SLC22A7: variants seen among roughly 807,000 people sequenced by gnomAD.
SLC22A7 encodes the protein hOAT2.
SLC22A7 carries 48 observed loss-of-function variants against 62.2 expected under a neutral mutation model. The ratio of observed to expected loss-of-function variants is 0.77; its 90% CI spans 0.61 to 0.98. SLC22A7 has a LOEUF of 0.98. Ranked by LOEUF, SLC22A7 falls within the 50% of genes least tolerant of loss-of-function variation. SLC22A7 has a pLI of 0.00. For synonymous variants in SLC22A7, 276 were observed against 314.8 expected, an observed-to-expected ratio of 0.88 and a Z score of 1.30; for missense variants, 581 against 703.8, an observed-to-expected ratio of 0.83 and a Z score of 1.97.
At chr6:43,301,513 G>A (rs765265293) in intron 6 of SLC22A7, 70 bp from the exon 7 acceptor site, 1 of 1,248,122 alleles carries the variant, frequency 8.0e-7, no homozygotes, top group Admixed American at 1.8e-5. Flanking sequence ...GGGGTGGGGG[G>A]AGAGTACTGT....
In SLC22A7 at chr6:43,302,753, AC is replaced by A; in HGVS notation, c.1376del (p.Thr459ArgfsTer10). The A allele has an allele frequency of 6.2e-7, 1 of 1,606,614 alleles. No homozygotes were observed. Among genetic ancestry groups the A allele is most frequent in the Non-Finnish European group, 8.5e-7 (1 of 1,175,370 alleles). ...AYLFTSELYP[T>X]VLRQTGMGLT... Reference sequence around the variant, plus strand: ...CCTGTTCACTTCAGAGTTGTACCCTACGGTGCTCAGGTGAGGAAGCCTGCAA... The same window carrying A: ...CCTGTTCACTTCAGAGTTGTACCCTAGGTGCTCAGGTGAGGAAGCCTGCAA... On this transcript the variant is annotated frameshift_variant, in exon 9 of 11. Coordinates refer to ENST00000372585, the MANE Select transcript of SLC22A7 (RefSeq NM_153320.2). LOFTEE classifies it high-confidence loss of function. This position sits in a 1 kb window ranked among gnomAD's most constrained non-coding sequence, Gnocchi z 5.0.
At position 43,302,522 on chromosome 6, in the gene SLC22A7, C is replaced by G; in HGVS notation, c.1276+108C>G. 8.3e-7 allele frequency: 1 copy of G among 1,208,220 alleles called. No homozygotes were observed. Among genetic ancestry groups the G allele is most frequent in the Non-Finnish European group, 1.2e-6 (1 of 861,702 alleles). The allele number at this position is 1,208,220 out of a possible 1,614,324, so 74.8% of individuals were successfully genotyped here. On this transcript the variant is annotated intron_variant, in intron 8 of 10. Coordinates refer to ENST00000372585, the MANE Select transcript of SLC22A7 (RefSeq NM_153320.2). The surrounding 1 kb of genome is among the most constrained non-coding windows in gnomAD (Gnocchi z 5.0). ...CCAAGAACCCACTCCTCCCCCAGAT[C>G]CCTGCTCTTACCCAGTGAGCTCAGA...
rs781696289 is a variant in SLC22A7, at chr6:43,299,488, C to T, written c.498C>T (p.Ser166=). ...GGGCTGTGGCCTTTGGATATCTGTC[C>T]GACAGGTGGGGTGAGGCACTGGGCC... ...LVGAVAFGYL[S]DRFGRRRLLL... The change falls in exon 3 of 11, where the codon TCC becomes TCT. Residue 166 remains serine (S), a synonymous_variant. Transcript: ENST00000372585. The surrounding 1 kb of genome is among the most constrained non-coding windows in gnomAD (Gnocchi z 4.4). The T allele has an allele frequency of 9.3e-6, 15 of 1,611,278 alleles. No homozygotes were observed. The highest frequency in any genetic ancestry group is 3.3e-5 in the South Asian group (3 of 90,732).
Position 43,302,761 on chromosome 6 carries a change from C to T in SLC22A7, c.1383C>T (p.Leu461=). ...LFTSELYPTV[L]RQTGMGLTAL... ...CTTCAGAGTTGTACCCTACGGTGCT[C>T]AGGTGAGGAAGCCTGCAACTGATCT... The change falls in exon 9 of 11, where the codon CTC becomes CTT. Residue 461 remains leucine, a splice_region_variant and synonymous_variant. Transcript: ENST00000372585. This position sits in a 1 kb window ranked among gnomAD's most constrained non-coding sequence, Gnocchi z 5.0. 6.2e-7 allele frequency: 1 copy of T among 1,601,842 alleles called. No individual in the cohort carries two copies.
At position 43,301,616 on chromosome 6, in the gene SLC22A7, G is replaced by A; in HGVS notation, c.985G>A (p.Val329Ile). 3 of 1,614,110 alleles carry A rather than the reference G, an allele frequency of 1.9e-6. No homozygotes were observed. Among genetic ancestry groups the A allele is most frequent in the Non-Finnish European group, 2.5e-6 (3 of 1,179,996 alleles). ...VSKVAAGERV[V>I]RRPSYLDLFR... ...CAAAGTGGCCGCCGGGGAACGGGTGGTCCGAAGACCTTCATACCTAGACCT... is the reference window on the plus strand; with the variant it reads ...CAAAGTGGCCGCCGGGGAACGGGTGATCCGAAGACCTTCATACCTAGACCT... The change falls in exon 7 of 11, where the codon GTC (valine) becomes ATC (isoleucine). Residue 329 changes from valine to isoleucine, a missense_variant. Transcript: ENST00000372585.
upstream of SLC22A7, among the ~76,000 whole-genome samples, chr6:43,297,121 T>C (rs2150726612): frequency 6.6e-6 from 1 of 152,226 alleles, no homozygotes; most frequent in East Asian, 1.9e-4. Context: ...AGCACCCCCA[T>C]TAACACACGC....
chr6:43,304,504 G>A, intron 10 of SLC22A7, 167 bp from the exon 11 acceptor site: 1 of 620,564 alleles, frequency 1.6e-6, no homozygotes, highest in South Asian at 2.1e-5. Context: ...GCACACTCAA[G>A]TATGCCTACA....
At chr6:43,297,776 C>T (rs544980856), upstream of SLC22A7, among the ~76,000 whole-genome samples, 2 of 152,290 alleles carry the variant, frequency 1.3e-5, no homozygotes, top group South Asian at 2.1e-4. Flanking sequence ...TGTCTTAGGC[C>T]AGGGCATCAG....
chr6:43,303,706 G>C (rs915803123), intron 9 of SLC22A7, among the ~76,000 whole-genome samples: 1 of 152,080 alleles, frequency 6.6e-6, no homozygotes, highest in Non-Finnish European at 1.5e-5. Context: ...TTGCCTCCTC[G>C]AACAACATGG....
upstream of SLC22A7, among the ~76,000 whole-genome samples, chr6:43,297,499 T>C (rs1778587230): frequency 6.6e-6 from 1 of 152,174 alleles, no homozygotes; most frequent in Non-Finnish European, 1.5e-5. Context: ...TCTTAGGTAT[T>C]GCATGTACCT....
At position 43,298,312 on chromosome 6, in the gene SLC22A7, G is replaced by A; in HGVS notation, c.-47G>A. 2 of 1,531,562 alleles carry A rather than the reference G, an allele frequency of 1.3e-6. No homozygotes were observed. Among genetic ancestry groups the A allele is most frequent in the Admixed American group, 1.8e-5 (1 of 56,432 alleles). The allele number at this position is 1,531,562 out of a possible 1,614,324, so 94.9% of individuals were successfully genotyped here. On this transcript the variant is annotated 5_prime_UTR_variant, in exon 1 of 11. Transcript: ENST00000372585. ...ATGTGGTGGGCAGTTTGAGCTGGCT[G>A]GATACTAGAGGGAGGCTGCACCTGA...
At position 43,299,626 on chromosome 6, in the gene SLC22A7, G is replaced by C. The variant is rs1778663864; in HGVS notation, c.504-1G>C. 1 of 1,614,058 alleles carries C rather than the reference G, an allele frequency of 6.2e-7. No homozygotes were observed. Among genetic ancestry groups the C allele is most frequent in the South Asian group, 1.1e-5 (1 of 91,082 alleles). On this transcript the variant is annotated splice_acceptor_variant, in intron 3 of 10. Coordinates refer to ENST00000372585, the MANE Select transcript of SLC22A7 (RefSeq NM_153320.2). LOFTEE classifies it high-confidence loss of function. This position sits in a 1 kb window ranked among gnomAD's most constrained non-coding sequence, Gnocchi z 4.4. ...ACTGACCCTGCATGACCCCTTTGCA[G>C]GTTTGGGCGGCGGCGTCTGCTGCTG...
chr6:43,297,182 T>C (rs1778582376), upstream of SLC22A7, among the ~76,000 whole-genome samples: 2 of 152,142 alleles, frequency 1.3e-5, no homozygotes, highest in African/African-American at 2.4e-5. Flanking sequence ...GATCCCAGCC[T>C]GGAGCAGACT....
chr6:43,300,908 G>A (rs4149177), intron 5 of SLC22A7, among the ~76,000 whole-genome samples: 13,898 of 152,314 alleles, frequency 0.091, 745 homozygotes, highest in Middle Eastern at 0.15. Context: ...AAAGTGTTTG[G>A]ATTACAGGCA....
rs941783505 is a variant in SLC22A7 at position 43,305,498 on chromosome 6, C to G, written c.*773C>G. ...GGGAGCCAACATTTTATTGAAGAAG[C>G]CACAGAGGCTGAAATTCAATAAACA... On this transcript the variant is annotated 3_prime_UTR_variant, in exon 11 of 11. Coordinates refer to ENST00000372585, the MANE Select transcript of SLC22A7 (RefSeq NM_153320.2). The G allele has an allele frequency of 2.0e-5, 8 of 406,354 alleles. No homozygotes were observed. Among genetic ancestry groups the G allele is most frequent in the Admixed American group, 4.1e-5 (1 of 24,394 alleles). 25.2% of individuals were successfully genotyped at this position (406,354 alleles called of 1,614,324 possible). A position where few individuals can be genotyped will look rare whatever the true frequency, so the allele number is the denominator to read the frequency against.
In SLC22A7 at chr6:43,305,050, A is replaced by T; in HGVS notation, c.*325A>T. 1 of 241,416 alleles carries T rather than the reference A, an allele frequency of 4.1e-6. No individual in the cohort carries two copies. The highest frequency in any genetic ancestry group is 7.9e-6 in the Non-Finnish European group (1 of 126,798). 15.0% of individuals were successfully genotyped at this position (241,416 alleles called of 1,614,324 possible). A position where few individuals can be genotyped will look rare whatever the true frequency, so the allele number is the denominator to read the frequency against. ...GCCACTGAGTCTGCCCTGGGCTCTG[A>T]TAAAACCTTCACCATTAACTTGCTG... On this transcript the variant is annotated 3_prime_UTR_variant, in exon 11 of 11. Coordinates refer to ENST00000372585, the MANE Select transcript of SLC22A7 (RefSeq NM_153320.2).
chr6:43,303,007 C>T, intron 9 of SLC22A7: 1 of 599,404 alleles, frequency 1.7e-6, no homozygotes, highest in African/African-American at 2.0e-5. Flanking sequence ...GCATGAGCCA[C>T]CGCACCCAGC....
chr6:43,300,496 C>T (rs1441252484), intron 5 of SLC22A7, among the ~76,000 whole-genome samples: 1 of 152,142 alleles, frequency 6.6e-6, no homozygotes, highest in Non-Finnish European at 1.5e-5. Context: ...CATCTCATTC[C>T]CTCCTGCCAC....
chr6:43,304,853 C>T lies in SLC22A7; in HGVS notation c.*128C>T, dbSNP rs1390331418. 5 of 610,192 alleles carry T rather than the reference C, an allele frequency of 8.2e-6. No individual in the cohort carries two copies. The highest frequency in any genetic ancestry group is 3.5e-5 in the Admixed American group (1 of 28,248). The allele number at this position is 610,192 out of a possible 1,614,324, so 37.8% of individuals were successfully genotyped here. On this transcript the variant is annotated 3_prime_UTR_variant, in exon 11 of 11. Transcript: ENST00000372585. Reference sequence around the variant, plus strand: ...TAGGGCCGGAGTTGCTGCCAGTACCCGCTCCCTCTGCTCATCCATCCTTGA... The same window carrying T: ...TAGGGCCGGAGTTGCTGCCAGTACCTGCTCCCTCTGCTCATCCATCCTTGA...
Sources: allele counts gnomAD v4.1 joint callset (sites outside exome capture counted in the v4.1 genomes callset), GRCh38; gene constraint gnomAD v4.1.1; non-coding constraint Gnocchi (gnomAD v3.1); transcripts MANE v1.5; gene names NCBI Gene and HGNC (gene_info 2026-07-23, HGNC 2026-07-21).